CAP2: variants seen among roughly 807,000 people sequenced by gnomAD.
CAP2 encodes adenylyl cyclase-associated protein 2.
A neutral mutation model predicts 57.7 loss-of-function variants in CAP2; 24 were observed. The observed-to-expected ratio is 0.42, with a 90% confidence interval of 0.30 to 0.58. The LOEUF is 0.58. Among genes scored for constraint, CAP2 ranks in the 20% least tolerant of loss-of-function variants. The pLI, the probability that CAP2 is intolerant of heterozygous loss-of-function variation, is 0.22. For missense variants in CAP2, 501 were observed against 590.3 expected (o/e 0.85, Z 1.57); for synonymous variants, 194 against 207.2 (o/e 0.94, Z 0.55).
chr6:17,425,047 G>C (rs769399470), intron 2 of CAP2, among the ~76,000 whole-genome samples: 1 of 152,142 alleles, frequency 6.6e-6, no homozygotes, highest in Non-Finnish European at 1.5e-5. Context: ...CATCCTGCTC[G>C]GAAGTTAGAA....
intron 3 of CAP2, among the ~76,000 whole-genome samples, chr6:17,428,599 G>A (rs945491789): frequency 1.5e-4 from 20 of 135,738 alleles, no homozygotes; most frequent in African/African-American, 5.2e-4. Context: ...ACAGGAAGGG[G>A]AATATCACAC....
chr6:17,543,090 G>A lies in CAP2; in HGVS notation c.1156G>A (p.Asp386Asn). Reference sequence around the variant, plus strand: ...CTGTAAAAAACTCGGCCTGGTGTTTGACAATGTGGTGGGCATTGTGGAAGT... The same window carrying A: ...CTGTAAAAAACTCGGCCTGGTGTTTAACAATGTGGTGGGCATTGTGGAAGT... Reference protein sequence around the residue: ...DNCKKLGLVFDNVVGIVEVIN... With the variant: ...DNCKKLGLVFNNVVGIVEVIN... The change falls in exon 11 of 13, where the codon GAC (aspartate) becomes AAC (asparagine). Residue 386 changes from aspartate (D) to asparagine (N), a missense_variant. Coordinates refer to ENST00000229922, the MANE Select transcript of CAP2 (RefSeq NM_006366.3). 1 of 1,614,094 alleles carries A rather than the reference G, an allele frequency of 6.2e-7. No homozygotes were observed. Among genetic ancestry groups the A allele is most frequent in the Non-Finnish European group, 8.5e-7 (1 of 1,179,990 alleles).
At chr6:17,432,857 C>A (rs1759773182) in intron 3 of CAP2, among the ~76,000 whole-genome samples, 1 of 150,316 alleles carries the variant, frequency 6.7e-6, no homozygotes, top group Non-Finnish European at 1.5e-5. Context: ...TTTGTTTTTT[C>A]CCTCTTTTTG....
chr6:17,515,040 A>G (rs1561812113), intron 7 of CAP2, among the ~76,000 whole-genome samples: 1 of 152,008 alleles, frequency 6.6e-6, no homozygotes, highest in Non-Finnish European at 1.5e-5. Context: ...TCTGCTAAAA[A>G]TACAAAAAAC....
intron 4 of CAP2, among the ~76,000 whole-genome samples, chr6:17,496,033 G>GGGGGA (rs1761661029): frequency 7.9e-6 from 1 of 126,688 alleles, no homozygotes; most frequent in African/African-American, 3.3e-5. Flanking sequence ...TGGGTGGGGG[G>GGGGGA]GGGGGGTAAG....
chr6:17,449,741 A>G (rs1760356799), intron 3 of CAP2, among the ~76,000 whole-genome samples: 1 of 152,210 alleles, frequency 6.6e-6, no homozygotes, highest in Non-Finnish European at 1.5e-5. Context: ...TATTTTCTCA[A>G]GGAAAATTCC....
intron 1 of CAP2, among the ~76,000 whole-genome samples, chr6:17,407,461 T>C (rs1359407886): frequency 7.2e-6 from 1 of 138,328 alleles, no homozygotes; most frequent in Non-Finnish European, 1.6e-5. Context: ...CCTGGGCAGC[T>C]GAGTGAGAAC....
chr6:17,444,756 G>A (rs1760202786), intron 3 of CAP2, among the ~76,000 whole-genome samples: 1 of 147,898 alleles, frequency 6.8e-6, no homozygotes, highest in African/African-American at 2.5e-5. Flanking sequence ...GGAAAAATAC[G>A]TAGACTATTA....
intron 3 of CAP2, among the ~76,000 whole-genome samples, chr6:17,453,941 A>G (rs1022557): frequency 0.57 from 79,600 of 140,470 alleles, 22,619 homozygotes; most frequent in East Asian, 0.86. Flanking sequence ...CTGGATTGCC[A>G]TGGCGTGATC....
intron 3 of CAP2, among the ~76,000 whole-genome samples, chr6:17,432,247 C>G (rs1043527200): frequency 6.6e-6 from 1 of 152,060 alleles, no homozygotes; most frequent in East Asian, 1.9e-4. Context: ...TTATGGATCA[C>G]CTGTACTCAT....
chr6:17,456,946 T>C (rs942509813), intron 3 of CAP2, among the ~76,000 whole-genome samples: 3 of 152,178 alleles, frequency 2.0e-5, no homozygotes, highest in Non-Finnish European at 2.9e-5. Flanking sequence ...GGGAGCCAGC[T>C]GTCTTTCCTG....
intron 2 of CAP2, among the ~76,000 whole-genome samples, chr6:17,423,268 T>C (rs564168274): frequency 1.3e-5 from 2 of 152,342 alleles, no homozygotes; most frequent in South Asian, 4.1e-4. Context: ...GGCTGGTTTA[T>C]TTCCCCCCTG....
intron 1 of CAP2, among the ~76,000 whole-genome samples, chr6:17,397,714 A>T (rs1014368347): frequency 6.6e-6 from 1 of 150,676 alleles, no homozygotes; most frequent in South Asian, 2.1e-4. Flanking sequence ...AAAAAAAAAA[A>T]AAAGAATTAC....
chr6:17,547,925 C>G (rs1312218541), intron 11 of CAP2, among the ~76,000 whole-genome samples: 2 of 151,760 alleles, frequency 1.3e-5, no homozygotes, highest in Non-Finnish European at 2.9e-5. Flanking sequence ...CAAAAATGCC[C>G]TTATTTCCCA....
At chr6:17,454,003 G>T (rs1581532134) in intron 3 of CAP2, among the ~76,000 whole-genome samples, 1 of 133,586 alleles carries the variant, frequency 7.5e-6, no homozygotes, top group African/African-American at 3.6e-5. Flanking sequence ...TCCCACCTCA[G>T]CCTCCCACCT....
At chr6:17,441,579 G>A (rs541944030) in intron 3 of CAP2, among the ~76,000 whole-genome samples, 2 of 151,522 alleles carry the variant, frequency 1.3e-5, no homozygotes, top group Admixed American at 1.3e-4. Context: ...AACTTCCTGG[G>A]GTCAGGTGAT....
Position 17,539,199 on chromosome 6 carries a change from T to C in CAP2, c.637-70T>C, listed in dbSNP as rs1174712972. 7 of 1,456,410 alleles carry C rather than the reference T, an allele frequency of 4.8e-6. No individual in the cohort carries two copies. In the Admixed American group the frequency reaches 1.5e-4, roughly 30 times the overall value. 90.2% of individuals were successfully genotyped at this position (1,456,410 alleles called of 1,614,324 possible). A position where few individuals can be genotyped will look rare whatever the true frequency, so the allele number is the denominator to read the frequency against. Reference sequence around the variant, plus strand: ...TCTCTCATTGGCAGCAGGTTTCGACTCTCTCGGGCAAAATCCCAGCAAGGG... The same window carrying C: ...TCTCTCATTGGCAGCAGGTTTCGACCCTCTCGGGCAAAATCCCAGCAAGGG... On this transcript the variant is annotated intron_variant, in intron 7 of 12. Coordinates refer to ENST00000229922, the MANE Select transcript of CAP2 (RefSeq NM_006366.3).
chr6:17,542,500 C>T (rs1453714509), intron 9 of CAP2, among the ~76,000 whole-genome samples: 1 of 152,206 alleles, frequency 6.6e-6, no homozygotes, highest in Non-Finnish European at 1.5e-5. Context: ...TTGCCCAACT[C>T]CTGTTTGACA....
intron 2 of CAP2, among the ~76,000 whole-genome samples, chr6:17,424,363 G>A (rs908320139): frequency 2.0e-5 from 3 of 152,286 alleles, no homozygotes; most frequent in Middle Eastern, 3.4e-3. Context: ...TCGCGCCACT[G>A]CACTCCAGCC....
Sources: gnomAD v4.1 joint callset for allele counts (sites outside exome capture counted in the v4.1 genomes callset) on GRCh38, gnomAD v4.1.1 for gene constraint, MANE v1.5 for transcripts, NCBI Gene and HGNC (gene_info 2026-07-23, HGNC 2026-07-21) for gene names.